The following ZNF324B variants were observed in gnomAD, a reference collection of about 807,000 sequenced individuals.
ZNF324B encodes zinc finger protein 324B.
ZNF324B carries 7 observed loss-of-function variants against 10.6 expected under a neutral mutation model. The ratio of observed to expected loss-of-function variants is 0.66; its 90% CI spans 0.38 to 1.24. ZNF324B has a LOEUF of 1.24. Ranked by LOEUF, ZNF324B falls within the 50% of genes most tolerant of loss-of-function variation. ZNF324B has a pLI of 0.02. For missense variants in ZNF324B, 640 were observed against 764.7 expected, an observed-to-expected ratio of 0.84 and a Z score of 1.92; for synonymous variants, 316 against 321.0, an observed-to-expected ratio of 0.98 and a Z score of 0.17.
chr19:58,441,985 C>G, the ZNF324B span: 7 of 152,320 alleles, frequency 4.6e-5, no homozygotes, highest in Non-Finnish European at 7.3e-5. Flanking sequence ...TCCTCTTTCC[C>G]CTACACATGA....
At chr19:58,447,987 G>A (rs1744417753), upstream of ZNF324B, among the ~76,000 whole-genome samples, 1 of 152,166 alleles carries the variant, frequency 6.6e-6, no homozygotes, top group Non-Finnish European at 1.5e-5. Flanking sequence ...TGATTGTGAG[G>A]CCTCCCAGCC....
intron 1 of ZNF324B, chr19:58,453,399 G>A (rs910831637): frequency 4.7e-5 from 23 of 491,704 alleles, no homozygotes; most frequent in Non-Finnish European, 7.5e-5. Flanking sequence ...GCTGAGTCAC[G>A]AGTGGATATT....
chr19:58,455,075 C>G lies in ZNF324B; in HGVS notation c.239-108C>G. 1 of 1,487,418 alleles carries G rather than the reference C, an allele frequency of 6.7e-7. No individual in the cohort carries two copies. Among genetic ancestry groups the G allele is most frequent in the Non-Finnish European group, 9.3e-7 (1 of 1,069,722 alleles). The allele number at this position is 1,487,418 out of a possible 1,614,324, so 92.1% of individuals were successfully genotyped here. On this transcript the variant is annotated intron_variant, in intron 3 of 3. Coordinates refer to ENST00000336614, the MANE Select transcript of ZNF324B (RefSeq NM_207395.3). This position sits in a 1 kb window ranked among gnomAD's most constrained non-coding sequence, Gnocchi z 7.0. ...AGCCAGCCTCACCTCTTCTTTTTCC[C>G]TAAGCTTTTGTCCCGGCTCCTGGGC...
At chr19:58,427,431 C>CT in the ZNF324B span, among the ~76,000 whole-genome samples, 130 of 30,720 alleles carry the variant, frequency 4.2e-3, 5 homozygotes, top group African/African-American at 0.011. Flanking sequence ...TCCTTCCTTC[C>CT]TTCCTTCCTT....
the ZNF324B span, among the ~76,000 whole-genome samples, chr19:58,423,365 T>C: frequency 6.6e-6 from 1 of 152,294 alleles, no homozygotes. Context: ...TTTCACCATG[T>C]TGGCCAGGCT....
chr19:58,454,334 G>T lies in ZNF324B; in HGVS notation c.228G>T (p.Arg76Ser), dbSNP rs1202444877. 7.4e-6 allele frequency: 12 copies of T among 1,612,550 alleles called. No individual in the cohort carries two copies. Among genetic ancestry groups the T allele is most frequent in the Admixed American group, 3.3e-5 (2 of 60,024 alleles). ...DMTLARNTYG[R>S]LNSGSWSLTE... ...CCCTGGCCAGGAACACCTACGGGAGGCTCAACTCTGGTGAGTGGGAGCTCA... is the reference window on the plus strand; with the variant it reads ...CCCTGGCCAGGAACACCTACGGGAGTCTCAACTCTGGTGAGTGGGAGCTCA... Residue 76 changes from arginine (R) to serine (S), a missense_variant, in exon 3 of 4, where the codon AGG becomes AGT. Physicochemically the swap from Arg to Ser is moderately radical, Grantham distance 110 (BLOSUM62 -1). Transcript: ENST00000336614.
chr19:58,443,667 A>C, the ZNF324B span: 1 of 152,244 alleles, frequency 6.6e-6, no homozygotes, highest in South Asian at 2.1e-4. Context: ...TTACCCTGTC[A>C]GGATCTGTGA....
chr19:58,431,475 G>T, the ZNF324B span, among the ~76,000 whole-genome samples: 1 of 152,074 alleles, frequency 6.6e-6, no homozygotes, highest in Non-Finnish European at 1.5e-5. Flanking sequence ...TGCCCTGGAT[G>T]GACTCAACCT....
chr19:58,449,136 A>G (rs1354801072), upstream of ZNF324B, among the ~76,000 whole-genome samples: 1 of 152,212 alleles, frequency 6.6e-6, no homozygotes, highest in Non-Finnish European at 1.5e-5. Flanking sequence ...GAGCCAAGGT[A>G]CAGCTTAGGC....
At chr19:58,436,123 C>T in the ZNF324B span, among the ~76,000 whole-genome samples, 14 of 152,014 alleles carry the variant, frequency 9.2e-5, no homozygotes, top group Admixed American at 1.3e-4. Context: ...GTCTAGGAAA[C>T]GTAAATCTAT....
At chr19:58,425,808 C>T in the ZNF324B span, among the ~76,000 whole-genome samples, 2 of 152,142 alleles carry the variant, frequency 1.3e-5, no homozygotes, top group Admixed American at 1.3e-4. Flanking sequence ...AACAGCCTAA[C>T]AAAAAGGTCA....
chr19:58,445,442 A>G, the ZNF324B span: 1 of 518,934 alleles, frequency 1.9e-6, no homozygotes, highest in Non-Finnish European at 3.8e-6. Flanking sequence ...CTTGCTTGGC[A>G]CCAGAAACTT....
chr19:58,441,538 T>C, the ZNF324B span: 1 of 152,280 alleles, frequency 6.6e-6, no homozygotes, highest in East Asian at 1.9e-4. Context: ...CTGTGGAGAA[T>C]AGAGGTTGGC....
chr19:58,438,630 C>T, the ZNF324B span, among the ~76,000 whole-genome samples: 4 of 151,914 alleles, frequency 2.6e-5, no homozygotes, highest in Non-Finnish European at 5.9e-5. Context: ...CCCACCACCA[C>T]GCCTGACTAA....
At chr19:58,430,961 T>A in the ZNF324B span, 1 of 152,204 alleles carries the variant, frequency 6.6e-6, no homozygotes, top group Non-Finnish European at 1.5e-5. Context: ...AAGGAAGGCC[T>A]TTCCACATTC....
At chr19:58,425,257 A>G in the ZNF324B span, among the ~76,000 whole-genome samples, 2 of 145,568 alleles carry the variant, frequency 1.4e-5, no homozygotes, top group Non-Finnish European at 3.0e-5. Flanking sequence ...CTCCATCTCA[A>G]AAAAAAAAAA....
the ZNF324B span, chr19:58,437,148 G>A: frequency 6.2e-7 from 1 of 1,614,000 alleles, no homozygotes; most frequent in Non-Finnish European, 8.5e-7. Flanking sequence ...GAAGTATACA[G>A]CCACATCTTC....
rs1020144402 is a variant in ZNF324B at position 58,457,204 on chromosome 19, G to A, written c.*625G>A. 2 of 154,612 alleles carry A rather than the reference G, an allele frequency of 1.3e-5. No homozygotes were observed. Among genetic ancestry groups the A allele is most frequent in the African/African-American group, 4.8e-5 (2 of 41,436 alleles). 9.6% of individuals were successfully genotyped at this position (154,612 alleles called of 1,614,324 possible). On this transcript the variant is annotated 3_prime_UTR_variant, in exon 4 of 4. Coordinates refer to ENST00000336614, the MANE Select transcript of ZNF324B (RefSeq NM_207395.3). ...AGACGGGATCCTAATGAGAGTCAAT[G>A]TGTGCTCACTGCCAGCTCCTGGGCT...
the ZNF324B span, chr19:58,437,036 C>T: frequency 1.6e-5 from 26 of 1,614,058 alleles, no homozygotes; most frequent in Non-Finnish European, 2.2e-5. Flanking sequence ...CATGCTGAGA[C>T]AGGGCATTAC....
Sources: allele counts gnomAD v4.1 joint callset (sites outside exome capture counted in the v4.1 genomes callset), GRCh38; gene constraint gnomAD v4.1.1; non-coding constraint Gnocchi (gnomAD v3.1); transcripts MANE v1.5; gene names NCBI Gene and HGNC (gene_info 2026-07-23, HGNC 2026-07-21).